Variants in ARMC9 observed in about 807,000 individuals in gnomAD.
ARMC9 encodes armadillo repeat containing 9.
ARMC9 carries 94 observed loss-of-function variants against 107.0 expected under a neutral mutation model. The observed-to-expected ratio is 0.88, with a 90% CI of 0.74 to 1.04. ARMC9 has a LOEUF of 1.04. Among genes scored for constraint, ARMC9 ranks in the 50% least tolerant of loss-of-function variants. The pLI is 0.00. For synonymous variants in ARMC9, 380 were observed against 396.9 expected (o/e 0.96, Z 0.51); for missense variants, 942 against 1,030.1 (o/e 0.91, Z 1.17).
At chr2:231,351,003 G>A (rs182404354) in intron 21 of ARMC9, among the ~76,000 whole-genome samples, 8,024 of 113,304 alleles carry the variant, frequency 0.071, 964 homozygotes, top group African/African-American at 0.26. Flanking sequence ...CTGTCAGCCA[G>A]GCTGGAGTGC....
chr2:231,263,623 G>A (rs1037100441), intron 12 of ARMC9, among the ~76,000 whole-genome samples: 12 of 152,188 alleles, frequency 7.9e-5, no homozygotes, highest in Non-Finnish European at 1.6e-4. Context: ...TGAAACCATA[G>A]CAACAGACCG....
intron 12 of ARMC9, among the ~76,000 whole-genome samples, chr2:231,267,850 C>G (rs1185060615): frequency 1.3e-5 from 2 of 152,134 alleles, no homozygotes; most frequent in Non-Finnish European, 2.9e-5. Flanking sequence ...ACCTTATGTC[C>G]TAGCAAAACC....
Position 231,299,092 on chromosome 2 carries a change from G to A in ARMC9, c.1773+2839G>A, listed in dbSNP as rs1030067361. On this transcript the variant is annotated intron_variant, in intron 19 of 24. Coordinates refer to ENST00000611582, the MANE Select transcript of ARMC9 (RefSeq NM_001352754.2). ...AAGAGAACCCCTGATGCAAAGTCTC[G>A]TTTTTCTCTGTAATTTATAATGACT... 4.6e-5 allele frequency among the ~76,000 whole-genome samples: 7 copies of A among 151,990 alleles called. No homozygotes were observed. The East Asian group carries it at 9.6e-4, about 21-fold the overall frequency.
rs2034666769 is a variant in ARMC9, at chr2:231,226,634, ACAGTTGGAGCTGGCCCTC to A, written c.598-138_598-121del. The stretch of plus-strand genomic sequence containing the variant: ...AGAAGTTGCTTAGCTATTTACAGCA[ACAGTTGGAGCTGGCCCTC>A]CCGGCTCCGAGAATTCTGTTTCATC... On this transcript the variant is annotated intron_variant, in intron 6 of 24. Coordinates refer to ENST00000611582, the MANE Select transcript of ARMC9 (RefSeq NM_001352754.2). The A allele has an allele frequency of 9.4e-6, 9 of 957,404 alleles. No homozygotes were observed. The South Asian group carries it at 1.2e-4, about 13-fold the overall frequency. 59.3% of individuals were successfully genotyped at this position (957,404 alleles called of 1,614,324 possible). A position where few individuals can be genotyped will look rare whatever the true frequency, so the allele number is the denominator to read the frequency against.
At chr2:231,355,735 C>T (rs986149819) in intron 21 of ARMC9, 63 bp from the exon 22 acceptor site, 2 of 1,477,500 alleles carry the variant, frequency 1.4e-6, no homozygotes, top group South Asian at 1.3e-5. Flanking sequence ...CTGCAGTCGG[C>T]AGTCGGCAGT....
At chr2:231,258,692 A>G (rs1408347324) in intron 10 of ARMC9, among the ~76,000 whole-genome samples, 6 of 152,182 alleles carry the variant, frequency 3.9e-5, no homozygotes, top group Non-Finnish European at 8.8e-5. Context: ...TCCCTATGCT[A>G]GGGAGGTCTG....
intron 20 of ARMC9, among the ~76,000 whole-genome samples, chr2:231,338,329 G>T (rs953988927): frequency 1.3e-5 from 2 of 149,870 alleles, no homozygotes; most frequent in African/African-American, 4.9e-5. Context: ...TGCAATTCTC[G>T]TGCCTCAGCC....
At chr2:231,214,237 G>A (rs1279292552) in intron 3 of ARMC9, among the ~76,000 whole-genome samples, 4 of 152,226 alleles carry the variant, frequency 2.6e-5, no homozygotes, top group Non-Finnish European at 5.9e-5. Context: ...GCTGGCAGGC[G>A]TGGACAGTCA....
chr2:231,271,814 C>T (rs2039348315), intron 13 of ARMC9, among the ~76,000 whole-genome samples: 2 of 150,606 alleles, frequency 1.3e-5, no homozygotes, highest in Middle Eastern at 3.2e-3. Flanking sequence ...CCACAACAGG[C>T]TAGGGACCAT....
rs149333147 is a variant in ARMC9 at position 231,238,948 on chromosome 2, G to A, written c.781-995G>A. ...GGGGTGGAGTAGCCCTGCTTCCCAC[G>A]CAGTCCTGGGGGATGGCCTTCCTCC... On this transcript the variant is annotated intron_variant, in intron 8 of 24. Transcript: ENST00000611582. Among the ~76,000 whole-genome samples the A allele has an allele frequency of 7.3e-3, 1,109 of 152,280 alleles. 16 individuals are homozygous for A. The highest frequency in any genetic ancestry group is 0.025 in the African/African-American group (1,053 of 41,554).
Position 231,240,046 on chromosome 2 carries a change from G to A in ARMC9, c.879+5G>A. ...GACTTCACGAGGCCTGGGACGGTGA[G>A]GCTCTGCGCTCAGGGCAGGGTGCCC... On this transcript the variant is annotated splice_donor_5th_base_variant and intron_variant, in intron 9 of 24. Transcript: ENST00000611582. 6.2e-7 allele frequency: 1 copy of A among 1,611,140 alleles called. No homozygotes were observed. Among genetic ancestry groups the A allele is most frequent in the Non-Finnish European group, 8.5e-7 (1 of 1,178,172 alleles).
intron 21 of ARMC9, among the ~76,000 whole-genome samples, chr2:231,351,617 G>A (rs2045084995): frequency 6.6e-6 from 1 of 151,940 alleles, no homozygotes; most frequent in Non-Finnish European, 1.5e-5. Context: ...TTGTGTATGT[G>A]TCTACATATA....
At chr2:231,212,681 C>G (rs1465396673) in intron 3 of ARMC9, among the ~76,000 whole-genome samples, 1 of 152,206 alleles carries the variant, frequency 6.6e-6, no homozygotes, top group African/African-American at 2.4e-5. Flanking sequence ...AGGATCCCTT[C>G]ACCTTTGTGG....
In ARMC9 at chr2:231,358,552, C is replaced by T. The variant is rs147907547; in HGVS notation, c.2132-2202C>T. ...CCCATCCTGGCCCCAGGCAGCGCTC[C>T]CCACAGGTCTCCTTGCACACAGCTC... is the stretch of plus-strand genomic sequence containing the variant. On this transcript the variant is annotated intron_variant, in intron 22 of 24. Coordinates refer to ENST00000611582, the MANE Select transcript of ARMC9 (RefSeq NM_001352754.2). This position sits in a 1 kb window ranked among gnomAD's most constrained non-coding sequence, Gnocchi z 4.5. Among the ~76,000 whole-genome samples the T allele has an allele frequency of 1.4e-4, 21 of 152,304 alleles. No individual in the cohort carries two copies. The highest frequency in any genetic ancestry group is 4.8e-4 in the African/African-American group (20 of 41,562).
intron 1 of ARMC9, among the ~76,000 whole-genome samples, chr2:231,200,593 G>A (rs12478520): frequency 0.29 from 43,388 of 152,060 alleles, 6,530 homozygotes; most frequent in African/African-American, 0.37. Context: ...AGAATCACTT[G>A]AACCTGGGAG....
intron 12 of ARMC9, among the ~76,000 whole-genome samples, chr2:231,264,523 G>A (rs986829694): frequency 6.7e-6 from 1 of 149,140 alleles, no homozygotes; most frequent in Non-Finnish European, 1.5e-5. Context: ...TTGAGATGGG[G>A]TTTCACTCTA....
chr2:231,253,419 T>G (rs993398830), intron 9 of ARMC9, among the ~76,000 whole-genome samples: 1 of 152,154 alleles, frequency 6.6e-6, no homozygotes, highest in Non-Finnish European at 1.5e-5. Flanking sequence ...CTGGCTGATC[T>G]GAGCCATGTA....
intron 20 of ARMC9, among the ~76,000 whole-genome samples, chr2:231,340,729 A>T (rs1246758199): frequency 6.6e-6 from 1 of 152,046 alleles, no homozygotes; most frequent in Admixed American, 6.6e-5. Context: ...TCTACTAAAA[A>T]CACAAAAAAT....
At chr2:231,365,421 G>T (rs2045775150) in intron 23 of ARMC9, among the ~76,000 whole-genome samples, 1 of 152,140 alleles carries the variant, frequency 6.6e-6, no homozygotes, top group Non-Finnish European at 1.5e-5. Context: ...TGTTTGCAAT[G>T]CTGCTGAGTC....
Sources: gnomAD v4.1 joint callset for allele counts (sites outside exome capture counted in the v4.1 genomes callset) on GRCh38, gnomAD v4.1.1 for gene constraint, Gnocchi (gnomAD v3.1) non-coding constraint, MANE v1.5 for transcripts, NCBI Gene and HGNC (gene_info 2026-07-23, HGNC 2026-07-21) for gene names.